RIMS3: variants seen among roughly 807,000 people sequenced by gnomAD.
The protein encoded by RIMS3 is regulating synaptic membrane exocytosis protein 3.
Under a neutral mutation model 29.2 loss-of-function variants are expected in RIMS3, and 15 were observed. The ratio of observed to expected loss-of-function variants is 0.51; its 90% CI spans 0.34 to 0.79. RIMS3 has a LOEUF of 0.79. Among genes scored for constraint, RIMS3 ranks in the 30% least tolerant of loss-of-function variants. The pLI is 0.01. For missense variants in RIMS3, 342 were observed against 421.4 expected (o/e 0.81, Z 1.65); for synonymous variants, 161 against 170.1 (o/e 0.95, Z 0.41).
intron 4 of RIMS3, 110 bp from the exon 5 acceptor site, chr1:40,633,291 G>A: frequency 1.3e-6 from 1 of 751,452 alleles, no homozygotes; most frequent in East Asian, 2.6e-5. Context: ...ACGTCCCTCT[G>A]TGCCTCAGTT....
the RIMS3 span, among the ~76,000 whole-genome samples, chr1:40,680,767 A>C: frequency 6.6e-6 from 1 of 152,232 alleles, no homozygotes; most frequent in East Asian, 1.9e-4. Context: ...TTCCATTTTA[A>C]AAATAAAAGC....
chr1:40,675,198 G>A, the RIMS3 span, among the ~76,000 whole-genome samples: 5 of 152,086 alleles, frequency 3.3e-5, no homozygotes, highest in Non-Finnish European at 7.4e-5. Flanking sequence ...GAGCCTGGGA[G>A]GCAGAGGTGG....
chr1:40,641,171 C>T (rs1469775021), intron 3 of RIMS3, among the ~76,000 whole-genome samples: 1 of 152,136 alleles, frequency 6.6e-6, no homozygotes, highest in Non-Finnish European at 1.5e-5. Context: ...GGGGGTCTCA[C>T]TATGTTGCCT....
chr1:40,657,223 C>A (rs187874772), intron 1 of RIMS3, among the ~76,000 whole-genome samples: 3 of 152,182 alleles, frequency 2.0e-5, no homozygotes, highest in Admixed American at 2.0e-4. Context: ...AGAGACTTGA[C>A]GTCCACCCAG....
Position 40,626,264 on chromosome 1 carries a change from G to A in RIMS3, c.*253C>T. ...CACAAAGAGACGTGGAGACATTTCA[G>A]CCCATATCATCACCAGGAGTGACTA... On this transcript the variant is annotated 3_prime_UTR_variant, in exon 8 of 8. Transcript: ENST00000372684. 3.6e-6 allele frequency: 2 copies of A among 560,720 alleles called. No homozygotes were observed. Among genetic ancestry groups the A allele is most frequent in the Non-Finnish European group, 6.4e-6 (2 of 310,842 alleles). 34.7% of individuals were successfully genotyped at this position (560,720 alleles called of 1,614,324 possible).
At chr1:40,687,312 TA>T in the RIMS3 span, among the ~76,000 whole-genome samples, 1 of 65,058 alleles carries the variant, frequency 1.5e-5, no homozygotes, top group Non-Finnish European at 3.2e-5. Flanking sequence ...TAAAGATGGT[TA>T]AATTTAGGCC....
Position 40,633,237 on chromosome 1 carries a change from G to C in RIMS3, c.360-56C>G. ...GGGTCAGGGCAACCTGAGGATGAAA[G>C]TATAGCTGGCAGGCTGCCATGCTCT... is the stretch of plus-strand genomic sequence containing the variant. On this transcript the variant is annotated intron_variant, in intron 4 of 7. Transcript: ENST00000372684. 2.9e-6 allele frequency: 4 copies of C among 1,400,708 alleles called. No homozygotes were observed. In the South Asian group the frequency reaches 4.7e-5, roughly 16 times the overall value. The allele number at this position is 1,400,708 out of a possible 1,614,324, so 86.8% of individuals were successfully genotyped here.
chr1:40,641,617 T>C, intron 3 of RIMS3, 92 bp downstream of exon 3: 3 of 1,260,526 alleles, frequency 2.4e-6, no homozygotes, highest in Admixed American at 1.9e-5. Flanking sequence ...TCTGTGGGCA[T>C]GGAAGTGCAG....
chr1:40,673,687 C>T, the RIMS3 span, among the ~76,000 whole-genome samples: 1 of 152,234 alleles, frequency 6.6e-6, no homozygotes, highest in Non-Finnish European at 1.5e-5. Flanking sequence ...CAGATGTCAC[C>T]TCCTCCTGGA....
chr1:40,632,095 G>A (rs1314771649), intron 5 of RIMS3, among the ~76,000 whole-genome samples: 2 of 151,930 alleles, frequency 1.3e-5, no homozygotes, highest in African/African-American at 4.8e-5. Context: ...TATTGCCTAG[G>A]CTGGCCTCAA....
upstream of RIMS3, among the ~76,000 whole-genome samples, chr1:40,668,180 G>A (rs549682110): frequency 2.0e-5 from 3 of 151,582 alleles, no homozygotes; most frequent in South Asian, 4.2e-4. Flanking sequence ...GAACCCAGGA[G>A]GCGGAGGTTG....
At chr1:40,665,296 C>G (rs1012112965) in intron 1 of RIMS3, 98 bp downstream of exon 1, 2 of 149,906 alleles carry the variant, frequency 1.3e-5, no homozygotes, top group African/African-American at 4.9e-5. Context: ...ACCTACGTTG[C>G]GCTTCATGGC....
intron 1 of RIMS3, among the ~76,000 whole-genome samples, chr1:40,658,132 T>C (rs1454419420): frequency 6.6e-6 from 1 of 152,186 alleles, no homozygotes; most frequent in Non-Finnish European, 1.5e-5. Flanking sequence ...GGTTTGGTTT[T>C]TCACTGATGA....
rs896342861 is a variant in RIMS3 at position 40,641,946 on chromosome 1, C to T, written c.-21G>A. On this transcript the variant is annotated 5_prime_UTR_variant, in exon 3 of 8. Transcript: ENST00000372684. ...AACATGGTCCCCGGGGTGGCAGGGC[C>T]TCAGGCAGCTCTGAAGATGGGCAGG... 13 of 1,600,810 alleles carry T rather than the reference C, an allele frequency of 8.1e-6. No individual in the cohort carries two copies. Among genetic ancestry groups the T allele is most frequent in the East Asian group, 6.7e-5 (3 of 44,758 alleles).
At chr1:40,677,833 G>A in the RIMS3 span, among the ~76,000 whole-genome samples, 4 of 152,190 alleles carry the variant, frequency 2.6e-5, no homozygotes, top group Admixed American at 2.6e-4. Flanking sequence ...GAAAAGTCGT[G>A]TTCTTGACAT....
chr1:40,686,299 CCT>C, the RIMS3 span, among the ~76,000 whole-genome samples: 6 of 152,056 alleles, frequency 3.9e-5, no homozygotes, highest in African/African-American at 1.2e-4. Context: ...TTCTCCATAC[CCT>C]GACTCTTCAT....
chr1:40,640,940 G>C (rs1339154079), intron 3 of RIMS3, among the ~76,000 whole-genome samples: 2 of 152,222 alleles, frequency 1.3e-5, no homozygotes, highest in Admixed American at 6.5e-5. Flanking sequence ...ACCATGCGCA[G>C]TGTGAATTAC....
At chr1:40,652,357 G>C (rs1167054873) in intron 1 of RIMS3, among the ~76,000 whole-genome samples, 3 of 152,182 alleles carry the variant, frequency 2.0e-5, no homozygotes, top group African/African-American at 7.2e-5. Flanking sequence ...GCATTTCTAA[G>C]AAACTTCCAA....
intron 1 of RIMS3, among the ~76,000 whole-genome samples, chr1:40,659,168 A>G (rs556485401): frequency 3.3e-5 from 5 of 152,184 alleles, no homozygotes; most frequent in African/African-American, 1.2e-4. Flanking sequence ...CATGGAGACA[A>G]AGTAGGGGTG....
Sources: gnomAD v4.1 joint callset for allele counts (sites outside exome capture counted in the v4.1 genomes callset) on GRCh38, gnomAD v4.1.1 for gene constraint, MANE v1.5 for transcripts, NCBI Gene and HGNC (gene_info 2026-07-23, HGNC 2026-07-21) for gene names.